Variants in ELMO1 observed in about 807,000 individuals in gnomAD.
ELMO1 encodes the protein engulfment and cell motility 1, also known as engulfment and cell motility protein 1.
ELMO1 carries 26 observed loss-of-function variants against 98.9 expected under a neutral mutation model. The observed-to-expected ratio is 0.26, with a 90% confidence interval of 0.19 to 0.36. ELMO1 has a LOEUF of 0.36. ELMO1 is among the 10% of genes least tolerant of loss of function. The pLI is 1.00. For synonymous variants in ELMO1, 346 were observed against 346.0 expected (o/e 1.00, Z 0.00); for missense variants, 627 against 935.2 (o/e 0.67, Z 4.30).
chr7:36,855,631 C>T lies in ELMO1; in HGVS notation c.2104G>A (p.Glu702Lys). Residue 702 changes from glutamate (E) to lysine (K), a missense_variant, in exon 22 of 22, where the codon GAA becomes AAA. Physicochemically the swap from Glu to Lys is moderately conservative, Grantham distance 56 (BLOSUM62 1). This residue lies in a region of ELMO1 where 492 missense variants were observed against 715.6 expected (regional missense o/e 0.69). Transcript: ENST00000310758. The surrounding 1 kb of genome is among the most constrained non-coding windows in gnomAD (Gnocchi z 4.2). ...GGTGCGTCAGGGATCTGGATGTTTT[C>T]CAGGTCCAGGAGGCGGAGCTTGATT... ...MEIKLRLLDLENIQIPDAPPP... is the reference protein window; with the variant it reads ...MEIKLRLLDLKNIQIPDAPPP... The T allele has an allele frequency of 6.2e-7, 1 of 1,614,112 alleles. No homozygotes were observed. Among genetic ancestry groups the T allele is most frequent in the Non-Finnish European group, 8.5e-7 (1 of 1,179,990 alleles).
chr7:37,377,086 A>C (rs1392405198), intron 1 of ELMO1, among the ~76,000 whole-genome samples: 2 of 152,244 alleles, frequency 1.3e-5, no homozygotes, highest in Non-Finnish European at 2.9e-5. Flanking sequence ...GAACACTTAC[A>C]TTAGCCTACA....
At chr7:36,983,556 C>A (rs551136632) in intron 16 of ELMO1, among the ~76,000 whole-genome samples, 1 of 152,144 alleles carries the variant, frequency 6.6e-6, no homozygotes, top group Non-Finnish European at 1.5e-5. Flanking sequence ...GGATAAACAC[C>A]GGCAAGGTCC....
At chr7:37,360,698 C>A (rs1801668759) in intron 1 of ELMO1, among the ~76,000 whole-genome samples, 1 of 152,166 alleles carries the variant, frequency 6.6e-6, no homozygotes, top group Admixed American at 6.5e-5. Flanking sequence ...AGTAGTAAGG[C>A]CTGTGTGGTT....
chr7:37,239,401 G>A lies in ELMO1; in HGVS notation c.449+4955C>T, dbSNP rs537955919. On this transcript the variant is annotated intron_variant, in intron 7 of 21. Coordinates refer to ENST00000310758, the MANE Select transcript of ELMO1 (RefSeq NM_014800.11). ...AGGCTGGTCTTGAATTCCTGACCTC[G>A]TGATCCACCTGCCTTGGCCTCCCAA... is the stretch of plus-strand genomic sequence containing the variant. 1.3e-3 allele frequency among the ~76,000 whole-genome samples: 205 copies of A among 152,194 alleles called. 2 individuals carry two copies. The highest frequency in any genetic ancestry group is 3.3e-3 in the African/African-American group (139 of 41,522).
At chr7:37,122,414 C>T (rs1160425081) in intron 14 of ELMO1, among the ~76,000 whole-genome samples, 2 of 151,992 alleles carry the variant, frequency 1.3e-5, no homozygotes, top group Non-Finnish European at 2.9e-5. Context: ...GAGACACACA[C>T]ACACTCAAAA....
At chr7:37,329,658 A>T (rs1163897525) in intron 2 of ELMO1, among the ~76,000 whole-genome samples, 1 of 152,192 alleles carries the variant, frequency 6.6e-6, no homozygotes, top group Non-Finnish European at 1.5e-5. Context: ...GTCCATGAGG[A>T]ATGCAAGTCC....
At chr7:37,203,328 A>C (rs1484809270) in intron 13 of ELMO1, among the ~76,000 whole-genome samples, 2 of 152,226 alleles carry the variant, frequency 1.3e-5, no homozygotes, top group African/African-American at 4.8e-5. Context: ...TATGCCCGAA[A>C]AATGAAGTGG....
At chr7:37,447,978 A>G (rs1481263067) in intron 1 of ELMO1, among the ~76,000 whole-genome samples, 1 of 151,458 alleles carries the variant, frequency 6.6e-6, no homozygotes, top group African/African-American at 2.4e-5. Flanking sequence ...ACGAAGCTCC[A>G]CAAAGCTCCC....
intron 1 of ELMO1, among the ~76,000 whole-genome samples, chr7:37,393,576 T>A (rs1376867827): frequency 6.6e-6 from 1 of 152,222 alleles, no homozygotes; most frequent in East Asian, 1.9e-4. Context: ...TTGACCCTTT[T>A]GAAGACTATA....
chr7:37,175,391 A>G (rs1049878225), intron 13 of ELMO1, among the ~76,000 whole-genome samples: 9 of 152,226 alleles, frequency 5.9e-5, no homozygotes, highest in Non-Finnish European at 8.8e-5. Flanking sequence ...CATCACAGAA[A>G]GTATTGTCAG....
intron 1 of ELMO1, among the ~76,000 whole-genome samples, chr7:37,415,553 C>T (rs1004658095): frequency 1.3e-5 from 2 of 151,990 alleles, no homozygotes; most frequent in Non-Finnish European, 2.9e-5. Context: ...TAAAGTCTAG[C>T]GTGGATATAA....
chr7:37,166,873 G>A (rs1183066105), intron 13 of ELMO1, among the ~76,000 whole-genome samples: 2 of 152,144 alleles, frequency 1.3e-5, no homozygotes, highest in Non-Finnish European at 2.9e-5. Context: ...GGAGAGCTGA[G>A]TTCAATTCCT....
Position 37,256,131 on chromosome 7 carries a change from G to A in ELMO1, c.413+3050C>T, listed in dbSNP as rs540134383. ...CCTAAACTTTTTCAACTTCCCTCTCGCTGATTCAAGCTCCAGCTCCAGCTT... is the reference window on the plus strand; with the variant it reads ...CCTAAACTTTTTCAACTTCCCTCTCACTGATTCAAGCTCCAGCTCCAGCTT... On this transcript the variant is annotated intron_variant, in intron 6 of 21. Coordinates refer to ENST00000310758, the MANE Select transcript of ELMO1 (RefSeq NM_014800.11). Among the ~76,000 whole-genome samples the A allele has an allele frequency of 1.4e-4, 22 of 152,040 alleles. No homozygotes were observed. The South Asian group carries it at 2.5e-3, about 17-fold the overall frequency.
At chr7:37,083,113 G>A (rs1223212166) in intron 15 of ELMO1, among the ~76,000 whole-genome samples, 1 of 152,208 alleles carries the variant, frequency 6.6e-6, no homozygotes, top group Non-Finnish European at 1.5e-5. Flanking sequence ...CTTGTCTAGA[G>A]CTGCTTGGTA....
intron 16 of ELMO1, among the ~76,000 whole-genome samples, chr7:36,989,035 TAAC>T (rs972937872): frequency 6.6e-6 from 1 of 152,222 alleles, no homozygotes; most frequent in Admixed American, 6.5e-5. Context: ...TTGATCTAGC[TAAC>T]ATTTATTGAG....
intron 7 of ELMO1, among the ~76,000 whole-genome samples, chr7:37,238,110 C>T (rs948826435): frequency 6.6e-6 from 1 of 152,170 alleles, no homozygotes; most frequent in African/African-American, 2.4e-5. Context: ...AGATGATATG[C>T]TTTGGCTCTG....
At chr7:36,889,901 G>T (rs987021603) in intron 17 of ELMO1, among the ~76,000 whole-genome samples, 1 of 152,072 alleles carries the variant, frequency 6.6e-6, no homozygotes, top group Non-Finnish European at 1.5e-5. Flanking sequence ...TCTTTCTATT[G>T]CACTACCCGG....
Position 37,231,798 on chromosome 7 carries a change from A to C in ELMO1, c.549+1297T>G, listed in dbSNP as rs1325036474. ...TTGATAACCGTACTGTCATTTTGCA[A>C]AATGTTAACTTTAGGGGAGGCTGGA... is the stretch of plus-strand genomic sequence containing the variant. On this transcript the variant is annotated intron_variant, in intron 8 of 21. Coordinates refer to ENST00000310758, the MANE Select transcript of ELMO1 (RefSeq NM_014800.11). 5.9e-5 allele frequency among the ~76,000 whole-genome samples: 9 copies of C among 152,250 alleles called. No individual in the cohort carries two copies. The South Asian group carries it at 1.9e-3, about 32-fold the overall frequency.
intron 4 of ELMO1, among the ~76,000 whole-genome samples, chr7:37,298,534 A>C (rs954134543): frequency 6.8e-6 from 1 of 147,548 alleles, no homozygotes; most frequent in Non-Finnish European, 1.5e-5. Context: ...ATTCCCACCT[A>C]TGAGTGAGAA....
Sources: gnomAD v4.1 joint callset for allele counts (sites outside exome capture counted in the v4.1 genomes callset) on GRCh38, gnomAD v4.1.1 for gene constraint, gnomAD v4.1.1 regional missense constraint, Gnocchi (gnomAD v3.1) non-coding constraint, MANE v1.5 for transcripts, NCBI Gene and HGNC (gene_info 2026-07-23, HGNC 2026-07-21) for gene names.